FMO1: variants seen among roughly 807,000 people sequenced by gnomAD.
The protein encoded by FMO1 is flavin containing dimethylaniline monoxygenase 1.
Under a neutral mutation model 45.4 loss-of-function variants are expected in FMO1, and 36 were observed. The ratio of observed to expected loss-of-function variants is 0.79; its 90% CI spans 0.61 to 1.05. The LOEUF is 1.05. Ranked by LOEUF, FMO1 falls within the 50% of genes least tolerant of loss-of-function variation. The probability of loss-of-function intolerance (pLI) is 0.00; values close to 1 mark genes in which losing one functional copy is unlikely to be tolerated. For missense variants in FMO1, 615 were observed against 640.3 expected (o/e 0.96, Z 0.43); for synonymous variants, 228 against 227.2 (o/e 1.00, Z -0.03).
chr1:171,256,794 A>G (rs568033861), intron 1 of FMO1, among the ~76,000 whole-genome samples: 1 of 152,302 alleles, frequency 6.6e-6, no homozygotes, highest in Non-Finnish European at 1.5e-5. Flanking sequence ...TTGAGAAGAG[A>G]ATTCACCTGT....
intron 3 of FMO1, among the ~76,000 whole-genome samples, chr1:171,269,277 G>A (rs1381389393): frequency 1.3e-5 from 2 of 152,118 alleles, no homozygotes; most frequent in African/African-American, 4.8e-5. Context: ...GGAGGGCTCA[G>A]AAGAAGAAAG....
chr1:171,270,727 G>T, intron 3 of FMO1: 1 of 1,112,512 alleles, frequency 9.0e-7, no homozygotes, highest in Admixed American at 4.7e-5. Flanking sequence ...TTTACAACCC[G>T]CATACTGCAC....
At chr1:171,255,478 A>G (rs541801561) in intron 1 of FMO1, among the ~76,000 whole-genome samples, 37 of 152,286 alleles carry the variant, frequency 2.4e-4, no homozygotes, top group Non-Finnish European at 4.4e-4. Flanking sequence ...TGCTCCAGGC[A>G]CTTGGAGTAG....
At chr1:171,250,725 TC>T (rs1174462179) in intron 1 of FMO1, among the ~76,000 whole-genome samples, 7 of 152,234 alleles carry the variant, frequency 4.6e-5, no homozygotes, top group Non-Finnish European at 8.8e-5. Context: ...CTTGTTTTTT[TC>T]ACTCAATTTT....
rs1356593370 is a variant in FMO1, at chr1:171,249,038, CT to C, written c.-7+416del. On this transcript the variant is annotated intron_variant, in intron 1 of 8. Coordinates refer to ENST00000617670, the MANE Select transcript of FMO1 (RefSeq NM_001282693.2). ...TGAGATCATAGTTTTTGAAGGGTGA[CT>C]ACCAAATGTTGGCATTTGGCACAAG... is the stretch of plus-strand genomic sequence containing the variant. Among the ~76,000 whole-genome samples the C allele has an allele frequency of 4.6e-5, 7 of 151,666 alleles. No homozygotes were observed. In the East Asian group the frequency reaches 9.8e-4, roughly 21 times the overall value.
chr1:171,272,430 G>A (rs958771695), intron 3 of FMO1, among the ~76,000 whole-genome samples: 2 of 152,202 alleles, frequency 1.3e-5, no homozygotes, highest in African/African-American at 2.4e-5. Context: ...GTGGAGCTGT[G>A]AGAAGAGGGC....
intron 6 of FMO1, among the ~76,000 whole-genome samples, chr1:171,281,764 A>G (rs1167832295): frequency 6.6e-6 from 1 of 152,178 alleles, no homozygotes; most frequent in Non-Finnish European, 1.5e-5. Flanking sequence ...CTTCCTCTTC[A>G]GGCTTCCAAA....
At chr1:171,266,073 T>C (rs1234448529) in intron 2 of FMO1, among the ~76,000 whole-genome samples, 4 of 152,204 alleles carry the variant, frequency 2.6e-5, no homozygotes, top group African/African-American at 9.7e-5. Context: ...AATCTTTCAA[T>C]GAAAGAAAAT....
intron 8 of FMO1, 41 bp downstream of exon 8, chr1:171,283,257 GAAATTGGTAAAAAAAAAAAAA>G: frequency 6.2e-6 from 1 of 161,968 alleles, no homozygotes; most frequent in Admixed American, 7.9e-5. Context: ...AATTATAACT[GAAATTGGTAAAAAAAAAAAAA>G]AAAAAAAAAA....
chr1:171,278,671 A>G, intron 4 of FMO1, 58 bp from the exon 5 acceptor site: 1 of 1,283,396 alleles, frequency 7.8e-7, no homozygotes, highest in Non-Finnish European at 1.1e-6. Flanking sequence ...AAGAATATTT[A>G]TGTTTCATTC....
rs536310351 is a variant in FMO1, at chr1:171,273,607, A to G, written c.322-1739A>G. On this transcript the variant is annotated intron_variant, in intron 3 of 8. Coordinates refer to ENST00000617670, the MANE Select transcript of FMO1 (RefSeq NM_001282693.2). Reference sequence around the variant, plus strand: ...ACTGCAGCCTCCACCTCCTAGGCTCAAGAAATCCTCCCACTTCAGCCTCCC... The same window carrying G: ...ACTGCAGCCTCCACCTCCTAGGCTCGAGAAATCCTCCCACTTCAGCCTCCC... Among the ~76,000 whole-genome samples the G allele has an allele frequency of 6.9e-3, 1,047 of 152,278 alleles. 12 individuals carry two copies. The highest frequency in any genetic ancestry group is 8.5e-3 in the Non-Finnish European group (577 of 68,010).
intron 3 of FMO1, among the ~76,000 whole-genome samples, chr1:171,274,618 G>A (rs1460080042): frequency 2.0e-5 from 3 of 151,962 alleles, no homozygotes; most frequent in Admixed American, 6.6e-5. Context: ...ATCAAATAGC[G>A]AACCCATTAA....
At chr1:171,271,423 C>T (rs1660859342) in intron 3 of FMO1, 5 of 1,039,252 alleles carry the variant, frequency 4.8e-6, no homozygotes, top group South Asian at 1.3e-5. Flanking sequence ...TGTCCTTTCT[C>T]TTTAGCAGAC....
At chr1:171,254,286 T>G (rs1660048626) in intron 1 of FMO1, among the ~76,000 whole-genome samples, 1 of 152,136 alleles carries the variant, frequency 6.6e-6, no homozygotes, top group Non-Finnish European at 1.5e-5. Flanking sequence ...AGACAGGGTT[T>G]CACCATGTTG....
At position 171,276,790 on chromosome 1, in the gene FMO1, C is replaced by A. The variant is rs182736998; in HGVS notation, c.484+1282C>A. Among the ~76,000 whole-genome samples, 113 of 152,188 alleles carry A rather than the reference C, an allele frequency of 7.4e-4. 1 individual carries two copies. Among genetic ancestry groups the A allele is most frequent in the Non-Finnish European group, 2.1e-4 (14 of 67,990 alleles). The stretch of plus-strand genomic sequence containing the variant: ...CCTCTCATGGTCCTGGATTTGCCCC[C>A]CAAAGTCACACAAGTTTACATCAGA... On this transcript the variant is annotated intron_variant, in intron 4 of 8. Transcript: ENST00000617670.
chr1:171,253,400 C>T (rs1445004702), intron 1 of FMO1, among the ~76,000 whole-genome samples: 3 of 152,152 alleles, frequency 2.0e-5, no homozygotes, highest in Non-Finnish European at 4.4e-5. Flanking sequence ...GGCATGGTGG[C>T]TCATGGCTAT....
At chr1:171,271,916 C>T (rs1231325344) in intron 3 of FMO1, among the ~76,000 whole-genome samples, 2 of 152,204 alleles carry the variant, frequency 1.3e-5, no homozygotes, top group African/African-American at 4.8e-5. Flanking sequence ...GAAATCCAAG[C>T]CAACTGCAGA....
intron 8 of FMO1, among the ~76,000 whole-genome samples, chr1:171,284,140 A>C (rs1661515488): frequency 6.6e-6 from 1 of 150,562 alleles, no homozygotes; most frequent in South Asian, 2.1e-4. Context: ...TCTGCGTTTG[A>C]TATACATTTT....
chr1:171,249,335 T>C (rs978958887), intron 1 of FMO1, among the ~76,000 whole-genome samples: 17 of 152,094 alleles, frequency 1.1e-4, no homozygotes, highest in Middle Eastern at 3.2e-3. Context: ...GTTATTAGAG[T>C]TTCCCCTGCA....
Sources: allele counts gnomAD v4.1 joint callset (sites outside exome capture counted in the v4.1 genomes callset), GRCh38; gene constraint gnomAD v4.1.1; transcripts MANE v1.5; gene names NCBI Gene and HGNC (gene_info 2026-07-23, HGNC 2026-07-21).